Variants in SLC66A2 observed in about 807,000 individuals in gnomAD.
SLC66A2 encodes PQ loop repeat containing 1.
SLC66A2 carries 23 observed loss-of-function variants against 25.5 expected under a neutral mutation model. The observed-to-expected ratio is 0.90, with a 90% CI of 0.65 to 1.28. SLC66A2 has a LOEUF of 1.28. Ranked by LOEUF, SLC66A2 falls within the 50% of genes most tolerant of loss-of-function variation. The pLI is 0.00. For missense variants in SLC66A2, 396 were observed against 373.1 expected, an observed-to-expected ratio of 1.06 and a Z score of -0.51; for synonymous variants, 193 against 166.5, an observed-to-expected ratio of 1.16 and a Z score of -1.23.
At chr18:79,935,255 A>C (rs1382739329) in intron 3 of SLC66A2, 1 of 152,302 alleles carries the variant, frequency 6.6e-6, no homozygotes, top group Admixed American at 6.5e-5. Context: ...GGGGAAGAAG[A>C]CATGGTTCAG....
At position 79,940,872 on chromosome 18, in the gene SLC66A2, G is replaced by C. The variant is rs1047596205; in HGVS notation, c.337+2457C>G. Among the ~76,000 whole-genome samples, 3 of 152,122 alleles carry C rather than the reference G, an allele frequency of 2.0e-5. No individual in the cohort carries two copies. The highest frequency in any genetic ancestry group is 4.4e-5 in the Non-Finnish European group (3 of 68,018). ...CCCCAGGACACAGAGCTCAAGAGCG[G>C]ATGTCCCACTTGAGGTCATTTGGGG... On this transcript the variant is annotated intron_variant, in intron 3 of 5. Transcript: ENST00000397778. This position sits in a 1 kb window ranked among gnomAD's most constrained non-coding sequence, Gnocchi z 4.1.
rs13381644 is a variant in SLC66A2, at chr18:79,927,327, A to G, written c.391+6642T>C. 7.3e-6 allele frequency among the ~76,000 whole-genome samples: 1 copy of G among 137,054 alleles called. No individual in the cohort carries two copies. The highest frequency in any genetic ancestry group is 3.5e-5 in the African/African-American group (1 of 28,442). The allele number at this position is 137,054 out of a possible 152,430, so 89.9% of individuals were successfully genotyped here. The stretch of plus-strand genomic sequence containing the variant: ...GGCTACAGTCGGGAGAGCCCCGGGC[A>G]GGCACACAGGGGCTCATCTGGAGGG... On this transcript the variant is annotated intron_variant, in intron 4 of 5. Transcript: ENST00000397778. The surrounding 1 kb of genome is among the most constrained non-coding windows in gnomAD (Gnocchi z 6.2).
rs111268536 is a variant in SLC66A2 at position 79,904,260 on chromosome 18, T to TA, written c.609-78dup. 3.0e-5 allele frequency: 40 copies of TA among 1,338,968 alleles called. 1 individual carries two copies. In the African/African-American group the frequency reaches 3.2e-4, roughly 11 times the overall value. 82.9% of individuals were successfully genotyped at this position (1,338,968 alleles called of 1,614,324 possible). ...TCAGTCAGTGGGGAGGCCTGGGGCT[T>TA]AGACAGCGGGGAGACCTGGGGCTCA... On this transcript the variant is annotated intron_variant, in intron 5 of 5. Coordinates refer to ENST00000397778, the MANE Select transcript of SLC66A2 (RefSeq NM_025078.5). The surrounding 1 kb of genome is among the most constrained non-coding windows in gnomAD (Gnocchi z 6.3).
chr18:79,923,214 A>G (rs1193572988), intron 4 of SLC66A2, among the ~76,000 whole-genome samples: 1 of 59,386 alleles, frequency 1.7e-5, no homozygotes, highest in Non-Finnish European at 3.2e-5. Flanking sequence ...GGGGCTGTGG[A>G]CGGTGAGGGG....
At chr18:79,929,541 C>T (rs1226757729) in intron 4 of SLC66A2, among the ~76,000 whole-genome samples, 1 of 152,070 alleles carries the variant, frequency 6.6e-6, no homozygotes, top group Non-Finnish European at 1.5e-5. Context: ...ATGAGTTATA[C>T]AAAGAAACAG....
intron 1 of SLC66A2, 89 bp from the exon 2 acceptor site, chr18:79,951,114 C>A (rs2051108322): frequency 3.1e-6 from 1 of 320,878 alleles, no homozygotes. Flanking sequence ...AGCCGCAGGA[C>A]CCGAGGCAGA....
chr18:79,936,301 A>G (rs1161711158), intron 3 of SLC66A2, among the ~76,000 whole-genome samples: 1 of 152,210 alleles, frequency 6.6e-6, no homozygotes, highest in African/African-American at 2.4e-5. Flanking sequence ...AGGGATTCCT[A>G]ATGTGACGTC....
chr18:79,926,556 G>C (rs143602882), intron 4 of SLC66A2, among the ~76,000 whole-genome samples: 1 of 152,120 alleles, frequency 6.6e-6, no homozygotes, highest in South Asian at 2.1e-4. Flanking sequence ...ATGGCATCTC[G>C]GTAACGCCAA....
At chr18:79,920,029 A>G (rs866822038) in intron 4 of SLC66A2, among the ~76,000 whole-genome samples, 3 of 1,098 alleles carry the variant, frequency 2.7e-3, no homozygotes, top group Non-Finnish European at 4.6e-3. Context: ...GGAGAGGTCA[A>G]GGTCAGTGAG....
chr18:79,931,372 A>T (rs150144474), intron 4 of SLC66A2, among the ~76,000 whole-genome samples: 2,270 of 152,370 alleles, frequency 0.015, 39 homozygotes, highest in Middle Eastern at 0.044. Flanking sequence ...TGGAAAGAAT[A>T]TATCAAATGG....
intron 5 of SLC66A2, among the ~76,000 whole-genome samples, chr18:79,912,944 T>C (rs1202474536): frequency 1.3e-5 from 2 of 152,162 alleles, no homozygotes; most frequent in African/African-American, 4.8e-5. Flanking sequence ...GGGGGGGTTC[T>C]GAGTGTCATG....
Position 79,920,130 on chromosome 18 carries a change from G to A in SLC66A2, c.392-730C>T, listed in dbSNP as rs62101192. ...AAGGTCAGTGGGGAGAGACGGAACC[G>A]AGGGAGAGGTCAGGGTCAGTGAGGA... is the stretch of plus-strand genomic sequence containing the variant. On this transcript the variant is annotated intron_variant, in intron 4 of 5. Coordinates refer to ENST00000397778, the MANE Select transcript of SLC66A2 (RefSeq NM_025078.5). Among the ~76,000 whole-genome samples, 3 of 61,404 alleles carry A rather than the reference G, an allele frequency of 4.9e-5. 1 individual carries two copies. The allele number at this position is 61,404 out of a possible 152,430, so 40.3% of individuals were successfully genotyped here.
rs967717105 is a variant in SLC66A2, at chr18:79,941,580, A to G, written c.337+1749T>C. 9.2e-5 allele frequency: 14 copies of G among 152,210 alleles called. No individual in the cohort carries two copies. Among genetic ancestry groups the G allele is most frequent in the African/African-American group, 3.4e-4 (14 of 41,424 alleles). 9.4% of individuals were successfully genotyped at this position (152,210 alleles called of 1,614,324 possible). A position where few individuals can be genotyped will look rare whatever the true frequency, so the allele number is the denominator to read the frequency against. On this transcript the variant is annotated intron_variant, in intron 3 of 5. Coordinates refer to ENST00000397778, the MANE Select transcript of SLC66A2 (RefSeq NM_025078.5). This position sits in a 1 kb window ranked among gnomAD's most constrained non-coding sequence, Gnocchi z 4.1. ...AAGTGACACAGAACGCCAGGCATCC[A>G]CCATCCCACTCCCTTCTTATCCAAC... is the stretch of plus-strand genomic sequence containing the variant.
chr18:79,906,295 T>C (rs921300990), intron 5 of SLC66A2, among the ~76,000 whole-genome samples: 3 of 152,212 alleles, frequency 2.0e-5, no homozygotes, highest in Non-Finnish European at 4.4e-5. Flanking sequence ...TGGGGTTCCT[T>C]TGCATTTCAT....
Position 79,940,328 on chromosome 18 carries a change from C to G in SLC66A2, c.337+3001G>C, listed in dbSNP as rs987459369. Among the ~76,000 whole-genome samples, 2 of 152,096 alleles carry G rather than the reference C, an allele frequency of 1.3e-5. No individual in the cohort carries two copies. Among genetic ancestry groups the G allele is most frequent in the Non-Finnish European group, 2.9e-5 (2 of 68,004 alleles). The stretch of plus-strand genomic sequence containing the variant: ...TGAAATAATCTGCACACTGGCCGGG[C>G]GCAGTGGGTCACGCCCGTAATGCCA... On this transcript the variant is annotated intron_variant, in intron 3 of 5. Coordinates refer to ENST00000397778, the MANE Select transcript of SLC66A2 (RefSeq NM_025078.5). This position sits in a 1 kb window ranked among gnomAD's most constrained non-coding sequence, Gnocchi z 4.1.
In SLC66A2 at chr18:79,921,887, C is replaced by G. The variant is rs1299822267; in HGVS notation, c.392-2487G>C. On this transcript the variant is annotated intron_variant, in intron 4 of 5. Transcript: ENST00000397778. Reference sequence around the variant, plus strand: ...AAGGTCAGTGAGGAGAGACGGGAACCGAGGGAGAGGTCAAGGTCAGTGACA... The same window carrying G: ...AAGGTCAGTGAGGAGAGACGGGAACGGAGGGAGAGGTCAAGGTCAGTGACA... Among the ~76,000 whole-genome samples, 107 of 5,602 alleles carry G rather than the reference C, an allele frequency of 0.019. 43 individuals carry two copies. The East Asian group carries it at 1, about 52-fold the overall frequency. The allele number at this position is 5,602 out of a possible 152,430, so 3.7% of individuals were successfully genotyped here. A position where few individuals can be genotyped will look rare whatever the true frequency, so the allele number is the denominator to read the frequency against.
chr18:79,949,252 G>A (rs1228350530), intron 2 of SLC66A2, among the ~76,000 whole-genome samples: 1 of 152,174 alleles, frequency 6.6e-6, no homozygotes, highest in Non-Finnish European at 1.5e-5. Context: ...TGAAGGCCAC[G>A]GAGCAGGGAG....
chr18:79,936,738 T>C (rs1373488139), intron 3 of SLC66A2, among the ~76,000 whole-genome samples: 5 of 152,230 alleles, frequency 3.3e-5, no homozygotes, highest in Non-Finnish European at 7.3e-5. Context: ...GTGTATCCAG[T>C]TGCTGGTGCA....
chr18:79,929,585 G>A (rs1265869527), intron 4 of SLC66A2, among the ~76,000 whole-genome samples: 1 of 152,164 alleles, frequency 6.6e-6, no homozygotes, highest in Non-Finnish European at 1.5e-5. Flanking sequence ...AAAATAATAA[G>A]CAGGACACAA....
Sources: allele counts gnomAD v4.1 joint callset (sites outside exome capture counted in the v4.1 genomes callset), GRCh38; gene constraint gnomAD v4.1.1; non-coding constraint Gnocchi (gnomAD v3.1); transcripts MANE v1.5; gene names NCBI Gene and HGNC (gene_info 2026-07-23, HGNC 2026-07-21).